The following DSCAML1 variants were observed in gnomAD, a reference collection of about 807,000 sequenced individuals.
DSCAML1 encodes the protein DS cell adhesion molecule like 1.
In DSCAML1, 38 loss-of-function variants were observed where a neutral mutation model predicts 200.5. The observed-to-expected ratio is 0.19, with a 90% CI of 0.15 to 0.25. DSCAML1 has a LOEUF of 0.25. Ranked by LOEUF, DSCAML1 falls within the 10% of genes least tolerant of loss-of-function variation. The pLI is 1.00. For missense variants in DSCAML1, 2,223 were observed against 2,858.8 expected (o/e 0.78, Z 5.07); for synonymous variants, 1,215 against 1,165.0 (o/e 1.04, Z -0.87).
rs1055428002 is a variant in DSCAML1 at position 117,498,831 on chromosome 11, G to C, written c.2359+5014C>G. Reference sequence around the variant, plus strand: ...AGGGCACTGGGACCTTATTTTAATTGGTCTGACATTTTGCTAAACAAATAA... The same window carrying C: ...AGGGCACTGGGACCTTATTTTAATTCGTCTGACATTTTGCTAAACAAATAA... On this transcript the variant is annotated intron_variant, in intron 11 of 32. Transcript: ENST00000651296. This position sits in a 1 kb window ranked among gnomAD's most constrained non-coding sequence, Gnocchi z 4.0. 6.6e-6 allele frequency among the ~76,000 whole-genome samples: 1 copy of C among 152,102 alleles called. No individual in the cohort carries two copies. Among genetic ancestry groups the C allele is most frequent in the African/African-American group, 2.4e-5 (1 of 41,420 alleles).
intron 3 of DSCAML1, among the ~76,000 whole-genome samples, chr11:117,560,110 G>T (rs1315833426): frequency 6.6e-6 from 1 of 152,112 alleles, no homozygotes. Flanking sequence ...GAAAGAAAGG[G>T]GGGGCCACTT....
At chr11:117,683,896 G>A (rs764252287) in intron 3 of DSCAML1, among the ~76,000 whole-genome samples, 1 of 152,154 alleles carries the variant, frequency 6.6e-6, no homozygotes, top group East Asian at 1.9e-4. Flanking sequence ...CCCACCCAGG[G>A]TCCCAATACC....
At chr11:117,608,764 A>G (rs771049731) in intron 3 of DSCAML1, among the ~76,000 whole-genome samples, 12 of 152,364 alleles carry the variant, frequency 7.9e-5, no homozygotes, top group South Asian at 4.1e-4. Flanking sequence ...AGGAAATAAT[A>G]TTCTTCAGGC....
At chr11:117,474,393 T>TG (rs2048746785) in intron 14 of DSCAML1, among the ~76,000 whole-genome samples, 1 of 152,298 alleles carries the variant, frequency 6.6e-6, no homozygotes, top group East Asian at 1.9e-4. Context: ...CTACCAGGAA[T>TG]GGTTCGAGTT....
intron 3 of DSCAML1, among the ~76,000 whole-genome samples, chr11:117,654,099 C>T (rs2052687007): frequency 6.6e-6 from 1 of 152,134 alleles, no homozygotes; most frequent in African/African-American, 2.4e-5. Flanking sequence ...CGTGGAAGAC[C>T]ACATTTCTAA....
intron 3 of DSCAML1, among the ~76,000 whole-genome samples, chr11:117,663,326 G>A (rs1015100724): frequency 3.9e-5 from 6 of 152,056 alleles, no homozygotes; most frequent in African/African-American, 1.2e-4. Context: ...CCCCCAAACT[G>A]GGCTCTGCTT....
In DSCAML1 at chr11:117,489,771, G is replaced by A. The variant is rs2049149803; in HGVS notation, c.2360-7609C>T. ...GGGCTCTTCCCTGACACCCCACATTGCATGCAGGCCTCTCCTGCGGGGCAT... is the reference window on the plus strand; with the variant it reads ...GGGCTCTTCCCTGACACCCCACATTACATGCAGGCCTCTCCTGCGGGGCAT... On this transcript the variant is annotated intron_variant, in intron 11 of 32. Transcript: ENST00000651296. This position sits in a 1 kb window ranked among gnomAD's most constrained non-coding sequence, Gnocchi z 4.8. Among the ~76,000 whole-genome samples, 1 of 152,224 alleles carries A rather than the reference G, an allele frequency of 6.6e-6. No homozygotes were observed. Among genetic ancestry groups the A allele is most frequent in the Non-Finnish European group, 1.5e-5 (1 of 68,034 alleles).
chr11:117,760,223 G>C (rs1452259122), intron 3 of DSCAML1, among the ~76,000 whole-genome samples: 1 of 152,192 alleles, frequency 6.6e-6, no homozygotes, highest in Non-Finnish European at 1.5e-5. Context: ...ATAATGGAAA[G>C]AGACCCATGT....
rs1254241271 is a variant in DSCAML1, at chr11:117,428,418, C to T, written c.6072G>A (p.Arg2024=). 2 of 1,556,304 alleles carry T rather than the reference C, an allele frequency of 1.3e-6. No individual in the cohort carries two copies. Among genetic ancestry groups the T allele is most frequent in the East Asian group, 2.3e-5 (1 of 44,272 alleles). ...ATGTGCTCATCTCGAGAAGCGAGTC[C>T]CTGGAGCCCCCCATTTTGGTGTGTG... ...GGPHTKMGGS[R]DSLLEMSTSG... The change falls in exon 33 of 33, where the codon AGG becomes AGA. Residue 2024 remains arginine (R), a synonymous_variant. Transcript: ENST00000651296.
chr11:117,794,032 GCC>G (rs11301503), intron 1 of DSCAML1, among the ~76,000 whole-genome samples: 35,821 of 142,662 alleles, frequency 0.25, 4,582 homozygotes, highest in Middle Eastern at 0.36. Context: ...TTTCCCCATT[GCC>G]CCCCCCCCCT....
intron 3 of DSCAML1, among the ~76,000 whole-genome samples, chr11:117,573,287 G>A (rs1219124292): frequency 2.6e-5 from 4 of 152,232 alleles, no homozygotes; most frequent in Non-Finnish European, 4.4e-5. Context: ...TTGCATTTAT[G>A]GGTATTGGTG....
intron 5 of DSCAML1, among the ~76,000 whole-genome samples, chr11:117,522,371 G>C (rs757397626): frequency 1.6e-4 from 25 of 152,276 alleles, no homozygotes; most frequent in Non-Finnish European, 2.5e-4. Flanking sequence ...TTGAGAGCAG[G>C]GTGACGTCTC....
chr11:117,615,693 C>A (rs1352447307), intron 3 of DSCAML1, among the ~76,000 whole-genome samples: 1 of 152,034 alleles, frequency 6.6e-6, no homozygotes. Flanking sequence ...TAATTAAGCC[C>A]AAGCAGGTAT....
Position 117,504,856 on chromosome 11 carries a change from T to G in DSCAML1, c.2182+68A>C, listed in dbSNP as rs1366709654. On this transcript the variant is annotated intron_variant, in intron 10 of 32. Transcript: ENST00000651296. The surrounding 1 kb of genome is among the most constrained non-coding windows in gnomAD (Gnocchi z 5.0). ...GTTGCCTGCATGGAACAGGTTCAAATCCCACAGAGCATCCTCCGTTCCCCG... is the reference window on the plus strand; with the variant it reads ...GTTGCCTGCATGGAACAGGTTCAAAGCCCACAGAGCATCCTCCGTTCCCCG... 3.9e-6 allele frequency: 6 copies of G among 1,533,828 alleles called. No homozygotes were observed. The highest frequency in any genetic ancestry group is 5.3e-6 in the Non-Finnish European group (6 of 1,135,816).
intron 1 of DSCAML1, among the ~76,000 whole-genome samples, chr11:117,814,612 G>C (rs923801726): frequency 6.6e-6 from 1 of 152,248 alleles, no homozygotes; most frequent in African/African-American, 2.4e-5. Context: ...CCCAAAGGGG[G>C]GTGAGGCACT....
chr11:117,810,214 A>C (rs986156635), intron 1 of DSCAML1, among the ~76,000 whole-genome samples: 5 of 150,016 alleles, frequency 3.3e-5, no homozygotes, highest in African/African-American at 1.3e-4. Context: ...TGGACCCAAA[A>C]CTCCGTGGAC....
chr11:117,798,020 T>C (rs973049277), upstream of DSCAML1, among the ~76,000 whole-genome samples: 19 of 151,880 alleles, frequency 1.3e-4, no homozygotes, highest in Admixed American at 6.6e-4. Flanking sequence ...TGTCAGGCAC[T>C]GGCTCAGGCA....
Position 117,745,040 on chromosome 11 carries a change from G to A in DSCAML1, c.511+31751C>T, listed in dbSNP as rs114679826. Among the ~76,000 whole-genome samples the A allele has an allele frequency of 4.9e-3, 747 of 152,202 alleles. 1 individual carries two copies. The highest frequency in any genetic ancestry group is 0.017 in the African/African-American group (725 of 41,522). On this transcript the variant is annotated intron_variant, in intron 3 of 32. Transcript: ENST00000651296. Reference sequence around the variant, plus strand: ...AACCAGCACACCTCCTGAGCGAACCGCACAGATGCAACATTGAGTGGGGGA... The same window carrying A: ...AACCAGCACACCTCCTGAGCGAACCACACAGATGCAACATTGAGTGGGGGA...
intron 3 of DSCAML1, among the ~76,000 whole-genome samples, chr11:117,608,131 G>A (rs1275679624): frequency 6.6e-6 from 1 of 152,194 alleles, no homozygotes; most frequent in Non-Finnish European, 1.5e-5. Context: ...GAGACAGCAG[G>A]ATGATAGCAC....
Sources: gnomAD v4.1 joint callset for allele counts (sites outside exome capture counted in the v4.1 genomes callset) on GRCh38, gnomAD v4.1.1 for gene constraint, Gnocchi (gnomAD v3.1) non-coding constraint, MANE v1.5 for transcripts, NCBI Gene and HGNC (gene_info 2026-07-23, HGNC 2026-07-21) for gene names.